KIRREL3: variants seen among roughly 807,000 people sequenced by gnomAD.
KIRREL3 encodes kirre like nephrin family adhesion molecule 3, also known as kin of IRRE-like protein 3.
In KIRREL3, 36 loss-of-function variants were observed where a neutral mutation model predicts 89.7. The observed-to-expected ratio is 0.40, with a 90% CI of 0.31 to 0.53. The LOEUF (loss-of-function observed/expected upper bound fraction) is 0.53, where lower values mean the gene tolerates loss of function less well. KIRREL3 is among the 20% of genes least tolerant of loss of function. The pLI, the probability that KIRREL3 is intolerant of heterozygous loss-of-function variation, is 0.49. For synonymous variants in KIRREL3, 445 were observed against 441.4 expected, an observed-to-expected ratio of 1.01 and a Z score of -0.10; for missense variants, 864 against 1,056.6, an observed-to-expected ratio of 0.82 and a Z score of 2.53.
chr11:126,887,116 A>C (rs973112398), intron 1 of KIRREL3, among the ~76,000 whole-genome samples: 9 of 152,124 alleles, frequency 5.9e-5, no homozygotes, highest in Non-Finnish European at 1.3e-4. Flanking sequence ...AGGTGCATGA[A>C]GGGACCCACA....
chr11:126,679,335 T>C (rs1432868279), intron 1 of KIRREL3, among the ~76,000 whole-genome samples: 1 of 152,240 alleles, frequency 6.6e-6, no homozygotes. Flanking sequence ...AAGGGCATTA[T>C]GTTCCTTGCA....
chr11:126,433,680 A>T (rs1955216445), intron 13 of KIRREL3, among the ~76,000 whole-genome samples: 1 of 152,234 alleles, frequency 6.6e-6, no homozygotes, highest in Non-Finnish European at 1.5e-5. Context: ...CCAATAGACG[A>T]CAACGTCTCT....
chr11:127,001,821 T>A (rs574143022), upstream of KIRREL3, among the ~76,000 whole-genome samples: 2 of 151,120 alleles, frequency 1.3e-5, no homozygotes, highest in Non-Finnish European at 1.5e-5. Context: ...GCAAGCAGAG[T>A]ACACACACAA....
chr11:126,522,844 C>G lies in KIRREL3; in HGVS notation c.284-1380G>C, dbSNP rs1022036202. ...GAGGCTGCCCTCGGCTTCCACTCCC[C>G]TCTGGCAGCCCCAGGCTGCTCCTCC... On this transcript the variant is annotated intron_variant, in intron 3 of 16. Coordinates refer to ENST00000525144, the MANE Select transcript of KIRREL3 (RefSeq NM_032531.4). This position sits in a 1 kb window ranked among gnomAD's most constrained non-coding sequence, Gnocchi z 6.0. 6.6e-6 allele frequency among the ~76,000 whole-genome samples: 1 copy of G among 152,220 alleles called. No homozygotes were observed. The highest frequency in any genetic ancestry group is 1.5e-5 in the Non-Finnish European group (1 of 68,046).
At chr11:126,871,654 C>T (rs1278322886) in intron 1 of KIRREL3, among the ~76,000 whole-genome samples, 6 of 152,140 alleles carry the variant, frequency 3.9e-5, no homozygotes, top group African/African-American at 1.4e-4. Flanking sequence ...TTTGCAGTAG[C>T]CTCTCCCTTG....
intron 1 of KIRREL3, among the ~76,000 whole-genome samples, chr11:126,621,586 C>T (rs180697948): frequency 9.9e-4 from 150 of 152,242 alleles, no homozygotes; most frequent in African/African-American, 3.5e-3. Context: ...CTCTTAGATA[C>T]ACTCTTTATA....
At chr11:126,439,774 T>C (rs145849496) in intron 11 of KIRREL3, among the ~76,000 whole-genome samples, 6,986 of 151,348 alleles carry the variant, frequency 0.046, 276 homozygotes, top group East Asian at 0.23. Flanking sequence ...GCCGAGATTG[T>C]GTCACTGCAC....
chr11:126,888,751 G>A (rs964139852), intron 1 of KIRREL3, among the ~76,000 whole-genome samples: 9 of 152,156 alleles, frequency 5.9e-5, no homozygotes, highest in Admixed American at 1.3e-4. Flanking sequence ...CAGACTGACC[G>A]TGGGCAAGAC....
At position 126,615,078 on chromosome 11, in the gene KIRREL3, G is replaced by T. The variant is rs1161505650; in HGVS notation, c.56-52166C>A. Among the ~76,000 whole-genome samples the T allele has an allele frequency of 6.6e-6, 1 of 152,058 alleles. No individual in the cohort carries two copies. Among genetic ancestry groups the T allele is most frequent in the Non-Finnish European group, 1.5e-5 (1 of 68,022 alleles). On this transcript the variant is annotated intron_variant, in intron 1 of 16. Coordinates refer to ENST00000525144, the MANE Select transcript of KIRREL3 (RefSeq NM_032531.4). The surrounding 1 kb of genome is among the most constrained non-coding windows in gnomAD (Gnocchi z 5.4). ...GATTGGAGTGATTTGAGATGCTCTG[G>T]GGGGCTGAACTCAGGTCTGTGGGTA...
chr11:126,505,807 G>T (rs1328176688), intron 4 of KIRREL3, among the ~76,000 whole-genome samples: 3 of 152,010 alleles, frequency 2.0e-5, no homozygotes, highest in Admixed American at 6.6e-5. Context: ...AATTGAAGAC[G>T]TAAAAAAATA....
chr11:126,441,092 G>C lies in KIRREL3; in HGVS notation c.1253-543C>G, dbSNP rs558061839. ...AAATGGTTGCTGTCCCTCTCCTTAGGGCGGGAATCACCCCGGACAGGGGGA... is the reference window on the plus strand; with the variant it reads ...AAATGGTTGCTGTCCCTCTCCTTAGCGCGGGAATCACCCCGGACAGGGGGA... On this transcript the variant is annotated intron_variant, in intron 10 of 16. Coordinates refer to ENST00000525144, the MANE Select transcript of KIRREL3 (RefSeq NM_032531.4). This position sits in a 1 kb window ranked among gnomAD's most constrained non-coding sequence, Gnocchi z 5.0. 6.6e-6 allele frequency among the ~76,000 whole-genome samples: 1 copy of C among 152,320 alleles called. No homozygotes were observed. Among genetic ancestry groups the C allele is most frequent in the South Asian group, 2.1e-4 (1 of 4,824 alleles).
rs567181962 is a variant in KIRREL3 at position 126,570,066 on chromosome 11, G to A, written c.56-7154C>T. On this transcript the variant is annotated intron_variant, in intron 1 of 16. Transcript: ENST00000525144. The surrounding 1 kb of genome is among the most constrained non-coding windows in gnomAD (Gnocchi z 6.1). ...TCTATCATAAAGAGGACTGAAGAGT[G>A]GAGTAGCAAAGGTATATTAATCCTG... Among the ~76,000 whole-genome samples, 1 of 152,264 alleles carries A rather than the reference G, an allele frequency of 6.6e-6. No individual in the cohort carries two copies. Among genetic ancestry groups the A allele is most frequent in the Non-Finnish European group, 1.5e-5 (1 of 68,026 alleles).
At chr11:126,888,957 T>G (rs1477093394) in intron 1 of KIRREL3, among the ~76,000 whole-genome samples, 1 of 152,164 alleles carries the variant, frequency 6.6e-6, no homozygotes, top group Non-Finnish European at 1.5e-5. Flanking sequence ...TACAGAGTAA[T>G]CCACAGTCCA....
rs1052173643 is a variant in KIRREL3, at chr11:126,764,427, G to A, written c.56-201515C>T. Among the ~76,000 whole-genome samples, 2 of 152,158 alleles carry A rather than the reference G, an allele frequency of 1.3e-5. No homozygotes were observed. The highest frequency in any genetic ancestry group is 2.9e-5 in the Non-Finnish European group (2 of 68,034). ...GAGATAGGTGGCAGTGTGGATTCAG[G>A]GCTGTGTGGTTCAAGATCAACTTCG... On this transcript the variant is annotated intron_variant, in intron 1 of 16. Coordinates refer to ENST00000525144, the MANE Select transcript of KIRREL3 (RefSeq NM_032531.4). This position sits in a 1 kb window ranked among gnomAD's most constrained non-coding sequence, Gnocchi z 4.2.
rs1433797301 is a variant in KIRREL3 at position 126,635,907 on chromosome 11, T to G, written c.56-72995A>C. On this transcript the variant is annotated intron_variant, in intron 1 of 16. Coordinates refer to ENST00000525144, the MANE Select transcript of KIRREL3 (RefSeq NM_032531.4). This position sits in a 1 kb window ranked among gnomAD's most constrained non-coding sequence, Gnocchi z 4.0. ...TCCCAATATGAAAATAACAAACCAT[T>G]CTAGGGAACAACTTGGTTATTTTTG... Among the ~76,000 whole-genome samples, 1 of 152,094 alleles carries G rather than the reference T, an allele frequency of 6.6e-6. No homozygotes were observed. Among genetic ancestry groups the G allele is most frequent in the Non-Finnish European group, 1.5e-5 (1 of 68,020 alleles).
At position 126,968,661 on chromosome 11, in the gene KIRREL3, C is replaced by A. The variant is rs545972128; in HGVS notation, c.55+31794G>T. On this transcript the variant is annotated intron_variant, in intron 1 of 16. Coordinates refer to ENST00000525144, the MANE Select transcript of KIRREL3 (RefSeq NM_032531.4). ...CCCTATTAAATGTGCTCAGCTCCTCCTGAAGAAAGCTGCTCTAAGCTGGGT... is the reference window on the plus strand; with the variant it reads ...CCCTATTAAATGTGCTCAGCTCCTCATGAAGAAAGCTGCTCTAAGCTGGGT... 3.9e-5 allele frequency among the ~76,000 whole-genome samples: 6 copies of A among 152,230 alleles called. No individual in the cohort carries two copies. The South Asian group carries it at 6.2e-4, about 16-fold the overall frequency.
Position 126,903,541 on chromosome 11 carries a change from C to G in KIRREL3, c.55+96914G>C, listed in dbSNP as rs1315923618. Among the ~76,000 whole-genome samples the G allele has an allele frequency of 6.6e-6, 1 of 152,218 alleles. No individual in the cohort carries two copies. The highest frequency in any genetic ancestry group is 6.5e-5 in the Admixed American group (1 of 15,288). The stretch of plus-strand genomic sequence containing the variant: ...TCTCTAACCCTTTTCTCATTTCCTA[C>G]TATTATCACATTTCTGGCCTTGACT... On this transcript the variant is annotated intron_variant, in intron 1 of 16. Transcript: ENST00000525144. The surrounding 1 kb of genome is among the most constrained non-coding windows in gnomAD (Gnocchi z 4.5).
chr11:126,613,727 A>G (rs1025130777), intron 1 of KIRREL3, among the ~76,000 whole-genome samples: 4 of 152,180 alleles, frequency 2.6e-5, no homozygotes, highest in Non-Finnish European at 5.9e-5. Flanking sequence ...CCAATATCAG[A>G]GCAATAATAT....
At chr11:126,962,327 T>G (rs966104297) in intron 1 of KIRREL3, among the ~76,000 whole-genome samples, 7 of 152,112 alleles carry the variant, frequency 4.6e-5, no homozygotes, top group African/African-American at 1.4e-4. Context: ...GATAGCAATA[T>G]TAATAGGAGT....
Sources: allele counts gnomAD v4.1 joint callset (sites outside exome capture counted in the v4.1 genomes callset), GRCh38; gene constraint gnomAD v4.1.1; non-coding constraint Gnocchi (gnomAD v3.1); transcripts MANE v1.5; gene names NCBI Gene and HGNC (gene_info 2026-07-23, HGNC 2026-07-21).